RORA: variants seen among roughly 807,000 people sequenced by gnomAD.
RORA encodes the protein RAR related orphan receptor A.
Under a neutral mutation model 69.5 loss-of-function variants are expected in RORA, and 7 were observed. The ratio of observed to expected loss-of-function variants is 0.10; its 90% CI spans 0.06 to 0.19. The LOEUF is 0.19. Ranked by LOEUF, RORA falls within the 10% of genes least tolerant of loss-of-function variation. The pLI is 1.00. For synonymous variants in RORA, 261 were observed against 240.8 expected (o/e 1.08, Z -0.78); for missense variants, 457 against 663.0 (o/e 0.69, Z 3.41).
At chr15:61,206,446 C>A (rs547679499) in intron 1 of RORA, among the ~76,000 whole-genome samples, 1 of 152,300 alleles carries the variant, frequency 6.6e-6, no homozygotes, top group African/African-American at 2.4e-5. Flanking sequence ...CTGGGAAACA[C>A]GTGGACAACC....
intron 1 of RORA, among the ~76,000 whole-genome samples, chr15:61,118,281 G>C (rs75360960): frequency 1.3e-5 from 2 of 152,234 alleles, no homozygotes; most frequent in African/African-American, 4.8e-5. Flanking sequence ...CCTGTCTCTC[G>C]GCTTGACAGG....
chr15:60,607,751 T>C (rs2068985541), intron 2 of RORA, among the ~76,000 whole-genome samples: 1 of 152,220 alleles, frequency 6.6e-6, no homozygotes, highest in Admixed American at 6.5e-5. Flanking sequence ...TATACATCAT[T>C]CTGTGAAGGT....
At chr15:61,001,232 A>G (rs2140380642) in intron 1 of RORA, among the ~76,000 whole-genome samples, 1 of 152,374 alleles carries the variant, frequency 6.6e-6, no homozygotes, top group Admixed American at 6.5e-5. Flanking sequence ...TGGAGGAAAC[A>G]ACGCTTTTGA....
chr15:60,705,745 G>A (rs1051889332), intron 1 of RORA, among the ~76,000 whole-genome samples: 2 of 151,964 alleles, frequency 1.3e-5, no homozygotes, highest in African/African-American at 4.8e-5. Context: ...TATATATTCT[G>A]TTCTATAGAC....
In RORA at chr15:60,669,019, T is replaced by G. The variant is rs532166334; in HGVS notation, c.196+9638A>C. Among the ~76,000 whole-genome samples, 5 of 152,274 alleles carry G rather than the reference T, an allele frequency of 3.3e-5. No homozygotes were observed. In the South Asian group the frequency reaches 1.0e-3, roughly 32 times the overall value. ...AAGGTTTGGAATTTGGGGTTTAAAT[T>G]TTTATAAAGCTATTTGTAGCTGAGT... On this transcript the variant is annotated intron_variant, in intron 2 of 10. Transcript: ENST00000335670.
intron 1 of RORA, among the ~76,000 whole-genome samples, chr15:61,068,305 CCAAT>C (rs1566972672): frequency 9.2e-6 from 1 of 109,028 alleles, no homozygotes; most frequent in African/African-American, 3.7e-5. Context: ...TTAGCTCTAA[CCAAT>C]GCTTAACGGT....
intron 2 of RORA, among the ~76,000 whole-genome samples, chr15:60,639,046 G>A (rs909231210): frequency 6.6e-6 from 1 of 152,042 alleles, no homozygotes; most frequent in African/African-American, 2.4e-5. Flanking sequence ...GCGAAACCGT[G>A]CCTCCTTCTC....
intron 1 of RORA, among the ~76,000 whole-genome samples, chr15:60,689,923 C>G (rs1014710133): frequency 1.3e-5 from 2 of 152,158 alleles, no homozygotes; most frequent in African/African-American, 4.8e-5. Flanking sequence ...TTTGGGACTT[C>G]TAGCATCCAG....
At chr15:60,730,142 T>A (rs1394243456) in intron 1 of RORA, among the ~76,000 whole-genome samples, 1 of 152,216 alleles carries the variant, frequency 6.6e-6, no homozygotes, top group East Asian at 1.9e-4. Flanking sequence ...TAAATGAGGC[T>A]GCAAGCATCT....
chr15:60,627,629 C>T (rs2069627277), intron 2 of RORA: 1 of 658,494 alleles, frequency 1.5e-6, no homozygotes, highest in African/African-American at 2.0e-5. Flanking sequence ...CCTCTCTTTT[C>T]TTTTCTTTCT....
intron 6 of RORA, among the ~76,000 whole-genome samples, 195 bp from the exon 7 acceptor site, chr15:60,503,862 G>A (rs895577444): frequency 6.6e-6 from 1 of 152,158 alleles, no homozygotes; most frequent in African/African-American, 2.4e-5. Flanking sequence ...GAGTGCAGTG[G>A]AACAATCTCA....
intron 1 of RORA, among the ~76,000 whole-genome samples, chr15:61,114,069 T>C (rs2079029985): frequency 6.6e-6 from 1 of 152,202 alleles, no homozygotes; most frequent in African/African-American, 2.4e-5. Context: ...AAAACAGAAA[T>C]GTCACTCCGC....
chr15:60,650,376 C>T (rs1301277073), intron 2 of RORA, among the ~76,000 whole-genome samples: 1 of 152,126 alleles, frequency 6.6e-6, no homozygotes, highest in Non-Finnish European at 1.5e-5. Flanking sequence ...GCCTCGACCT[C>T]AGGAGGGCAT....
chr15:60,657,187 TG>T (rs2070233594), intron 2 of RORA, among the ~76,000 whole-genome samples: 2 of 152,282 alleles, frequency 1.3e-5, no homozygotes, highest in South Asian at 4.2e-4. Flanking sequence ...AAGAAGCCCC[TG>T]GGTGAGCTCC....
intron 1 of RORA, among the ~76,000 whole-genome samples, chr15:61,099,171 A>G (rs2078841962): frequency 6.6e-6 from 1 of 152,202 alleles, no homozygotes; most frequent in South Asian, 2.1e-4. Flanking sequence ...CCTCAAGAAC[A>G]TATCTAATTA....
At chr15:60,879,131 G>T (rs983236472) in intron 1 of RORA, among the ~76,000 whole-genome samples, 1 of 152,148 alleles carries the variant, frequency 6.6e-6, no homozygotes, top group Non-Finnish European at 1.5e-5. Context: ...GTTTCCATGT[G>T]TTAGAAGCAT....
At chr15:60,733,515 A>C (rs1035393580) in intron 1 of RORA, among the ~76,000 whole-genome samples, 3 of 152,240 alleles carry the variant, frequency 2.0e-5, no homozygotes. Context: ...TTTTAATTAA[A>C]ATGCAAATAT....
chr15:60,810,227 G>C (rs1595732164), intron 1 of RORA, among the ~76,000 whole-genome samples: 1 of 152,142 alleles, frequency 6.6e-6, no homozygotes, highest in Non-Finnish European at 1.5e-5. Context: ...TTAATAGTTT[G>C]GTTAGATAGA....
chr15:60,580,450 T>A (rs988890410), intron 2 of RORA, among the ~76,000 whole-genome samples: 1 of 152,234 alleles, frequency 6.6e-6, no homozygotes, highest in African/African-American at 2.4e-5. Flanking sequence ...TGTATCCACT[T>A]TGTTTTCTCT....
Sources: gnomAD v4.1 joint callset for allele counts (sites outside exome capture counted in the v4.1 genomes callset) on GRCh38, gnomAD v4.1.1 for gene constraint, MANE v1.5 for transcripts, NCBI Gene and HGNC (gene_info 2026-07-23, HGNC 2026-07-21) for gene names.